The following DMD variants were observed in gnomAD, a reference collection of about 807,000 sequenced individuals.
DMD encodes mutant dystrophin.
Under a neutral mutation model 330.1 loss-of-function variants are expected in DMD, and 63 were observed. The ratio of observed to expected loss-of-function variants is 0.19; its 90% CI spans 0.16 to 0.24. The LOEUF is 0.24. DMD is among the 10% of genes least tolerant of loss of function. DMD has a pLI of 1.00. For synonymous variants in DMD, 1,223 were observed against 959.8 expected, an observed-to-expected ratio of 1.27 and a Z score of -5.07; for missense variants, 3,344 against 2,684.1, an observed-to-expected ratio of 1.25 and a Z score of -5.43.
chrX:31,374,770 C>T (rs917531766), intron 60 of DMD, among the ~76,000 whole-genome samples: 6 of 107,827 alleles, frequency 5.6e-5, no homozygotes, highest in African/African-American at 1.0e-4. Flanking sequence ...CATGTATACA[C>T]ATGTAACTAA....
At chrX:32,862,856 C>A (rs1312130882) in intron 2 of DMD, among the ~76,000 whole-genome samples, 1 of 110,675 alleles carries the variant, frequency 9.0e-6, no homozygotes, top group Non-Finnish European at 1.9e-5. Context: ...CCTGCCTCCG[C>A]GTCCCTAGTA....
chrX:32,632,466 G>A (rs984107111), intron 11 of DMD, among the ~76,000 whole-genome samples: 6 of 112,515 alleles, frequency 5.3e-5, no homozygotes, highest in East Asian at 2.8e-4. Context: ...TGGGGACTAC[G>A]TGTGGGGGAT....
chrX:32,776,281 G>GACC (rs2074132731), intron 7 of DMD, among the ~76,000 whole-genome samples: 1 of 81,895 alleles, frequency 1.2e-5, no homozygotes, highest in Admixed American at 1.6e-4. Context: ...GTCTTCTTCT[G>GACC]ACCCCCCCCC....
intron 7 of DMD, among the ~76,000 whole-genome samples, chrX:32,795,798 A>C (rs1410486366): frequency 1.8e-5 from 2 of 111,735 alleles, no homozygotes; most frequent in Non-Finnish European, 3.8e-5. Flanking sequence ...TGGACAAAGG[A>C]CAATAATAAG....
intron 74 of DMD, among the ~76,000 whole-genome samples, chrX:31,150,566 G>A (rs777338772): frequency 8.0e-5 from 9 of 112,180 alleles, no homozygotes; most frequent in Non-Finnish European, 1.7e-4. Context: ...TATTTCATCA[G>A]GTGAGAGAAA....
chrX:32,084,184 T>A (rs1287879758), intron 44 of DMD, among the ~76,000 whole-genome samples: 1 of 111,811 alleles, frequency 8.9e-6, no homozygotes, highest in Non-Finnish European at 1.9e-5. Context: ...AGAGCTTGAG[T>A]TAGTAAGAAG....
At chrX:32,677,599 T>A (rs1602868747) in intron 9 of DMD, among the ~76,000 whole-genome samples, 1 of 111,779 alleles carries the variant, frequency 8.9e-6, no homozygotes, top group African/African-American at 3.2e-5. Context: ...TTCCAATAAC[T>A]TACAAGAAAA....
chrX:32,923,440 A>C (rs2088642480), intron 2 of DMD, among the ~76,000 whole-genome samples: 1 of 109,779 alleles, frequency 9.1e-6, no homozygotes, highest in African/African-American at 3.3e-5. Context: ...ACACCCCTGT[A>C]ATCCCAGCTA....
At chrX:31,495,764 CT>C (rs1458667530) in intron 57 of DMD, among the ~76,000 whole-genome samples, 1 of 111,565 alleles carries the variant, frequency 9.0e-6, no homozygotes, top group East Asian at 2.8e-4. Flanking sequence ...ACTGCAACCC[CT>C]AGCCACTGAT....
chrX:32,842,366 T>A (rs1557076846), intron 4 of DMD, among the ~76,000 whole-genome samples: 1 of 112,195 alleles, frequency 8.9e-6, no homozygotes, highest in South Asian at 3.7e-4. Context: ...CTCCAAAAAC[T>A]TGCCCTATTC....
At chrX:32,831,572 C>A (rs1381064355) in intron 4 of DMD, among the ~76,000 whole-genome samples, 2 of 108,336 alleles carry the variant, frequency 1.8e-5, no homozygotes, top group Middle Eastern at 4.4e-3. Flanking sequence ...AATGGAAGTT[C>A]TTAGGGCAGA....
chrX:32,787,030 C>T (rs919364134), intron 7 of DMD, among the ~76,000 whole-genome samples: 13 of 111,546 alleles, frequency 1.2e-4, no homozygotes, highest in Admixed American at 3.8e-4. Flanking sequence ...AATTCAACCA[C>T]TTTTACGATG....
intron 59 of DMD, among the ~76,000 whole-genome samples, chrX:31,453,776 A>AAAAAAAAAAAAAAAAAAAC (rs2065943951): frequency 2.9e-5 from 3 of 103,377 alleles, no homozygotes; most frequent in Non-Finnish European, 3.9e-5. Flanking sequence ...AAAAAAAAAA[A>AAAAAAAAAAAAAAAAAAAC]AAAAAAAAAA....
chrX:32,717,959 G>T (rs1057251268), intron 7 of DMD, among the ~76,000 whole-genome samples: 7 of 111,544 alleles, frequency 6.3e-5, no homozygotes, highest in African/African-American at 1.3e-4. Flanking sequence ...TTGAGCTAAT[G>T]CCTGTACCCT....
At chrX:32,802,444 C>T (rs1414095957) in intron 7 of DMD, among the ~76,000 whole-genome samples, 2 of 111,752 alleles carry the variant, frequency 1.8e-5, no homozygotes, top group African/African-American at 6.5e-5. Context: ...ATGTCATCTG[C>T]AAACAGAGAA....
intron 48 of DMD, among the ~76,000 whole-genome samples, chrX:31,844,007 C>T (rs372872797): frequency 1.1e-4 from 12 of 111,154 alleles, no homozygotes; most frequent in East Asian, 8.5e-4. Context: ...TACAGGGATG[C>T]GCCAGCATGC....
At chrX:33,294,874 C>A (rs982001879) in intron 1 of DMD, among the ~76,000 whole-genome samples, 4 of 110,715 alleles carry the variant, frequency 3.6e-5, no homozygotes, top group Non-Finnish European at 7.6e-5. Context: ...AAGTCACACA[C>A]AAAAGTATAT....
intron 44 of DMD, among the ~76,000 whole-genome samples, chrX:32,146,478 G>A (rs12840316): frequency 0.079 from 8,794 of 110,898 alleles, 316 homozygotes; most frequent in Admixed American, 0.18. Flanking sequence ...GATAGATAGC[G>A]TATGATCTTT....
At chrX:33,157,850 T>C (rs946579480) in intron 1 of DMD, among the ~76,000 whole-genome samples, 1 of 111,473 alleles carries the variant, frequency 9.0e-6, no homozygotes, top group African/African-American at 3.3e-5. Flanking sequence ...CCAGCTACCC[T>C]GGAGGCTGAG....
Sources: allele counts gnomAD v4.1 joint callset (sites outside exome capture counted in the v4.1 genomes callset), GRCh38; gene constraint gnomAD v4.1.1; transcripts MANE v1.5; gene names NCBI Gene and HGNC (gene_info 2026-07-23, HGNC 2026-07-21).